The following FHIT variants were observed in gnomAD, a reference collection of about 807,000 sequenced individuals.
The protein encoded by FHIT is bis(5'-adenosyl)-triphosphatase.
Under a neutral mutation model 17.9 loss-of-function variants are expected in FHIT, and 19 were observed. That is an observed-to-expected ratio of 1.06 (90% CI 0.74 to 1.56). The LOEUF (loss-of-function observed/expected upper bound fraction) is 1.56. Among genes scored for constraint, FHIT ranks in the 40% most tolerant of loss-of-function variants. The pLI is 0.00. For synonymous variants in FHIT, 81 were observed against 69.7 expected, an observed-to-expected ratio of 1.16 and a Z score of -0.81; for missense variants, 248 against 189.2, an observed-to-expected ratio of 1.31 and a Z score of -1.82.
At chr3:60,581,253 G>A (rs1210194210) in intron 4 of FHIT, among the ~76,000 whole-genome samples, 1 of 152,062 alleles carries the variant, frequency 6.6e-6, no homozygotes, top group African/African-American at 2.4e-5. Context: ...GAAGTTTTCA[G>A]GTAAGAAAAT....
At chr3:60,598,748 T>C (rs2038349433) in intron 4 of FHIT, among the ~76,000 whole-genome samples, 2 of 152,194 alleles carry the variant, frequency 1.3e-5, no homozygotes, top group African/African-American at 4.8e-5. Context: ...GGTGGATTTT[T>C]TTCCCAAGAA....
intron 5 of FHIT, chr3:60,536,367 T>C (rs1272175353): frequency 6.6e-6 from 1 of 152,266 alleles, no homozygotes; most frequent in Non-Finnish European, 1.5e-5. Context: ...AGTATATCTA[T>C]AATATAAATT....
At chr3:60,029,499 G>T (rs1186348706) in intron 5 of FHIT, among the ~76,000 whole-genome samples, 1 of 152,140 alleles carries the variant, frequency 6.6e-6, no homozygotes, top group Non-Finnish European at 1.5e-5. Context: ...TATATATGCA[G>T]TCTCTCTCCA....
intron 5 of FHIT, among the ~76,000 whole-genome samples, chr3:60,202,359 A>C (rs1361768952): frequency 1.3e-5 from 2 of 152,200 alleles, no homozygotes; most frequent in East Asian, 3.8e-4. Flanking sequence ...GGGCAAAGCA[A>C]TGCTTCCTCC....
At chr3:60,692,523 G>A (rs1482391270) in intron 4 of FHIT, among the ~76,000 whole-genome samples, 3 of 152,116 alleles carry the variant, frequency 2.0e-5, no homozygotes, top group African/African-American at 7.2e-5. Context: ...GAGTTGACTG[G>A]CCATTGCTGA....
At chr3:59,791,802 C>T (rs1389855071) in intron 8 of FHIT, among the ~76,000 whole-genome samples, 1 of 152,134 alleles carries the variant, frequency 6.6e-6, no homozygotes. Context: ...GGCTATGTAT[C>T]TTTTGGATCA....
At chr3:60,115,855 T>C (rs139286476) in intron 5 of FHIT, among the ~76,000 whole-genome samples, 6 of 148,576 alleles carry the variant, frequency 4.0e-5, no homozygotes, top group South Asian at 2.2e-4. Context: ...ATATATATTA[T>C]AAATCTACAA....
intron 7 of FHIT, among the ~76,000 whole-genome samples, chr3:60,010,200 C>T (rs1005951708): frequency 8.5e-5 from 13 of 152,222 alleles, no homozygotes; most frequent in Admixed American, 3.3e-4. Flanking sequence ...AAAGAAGCCA[C>T]AGGTATTAAA....
intron 2 of FHIT, among the ~76,000 whole-genome samples, chr3:61,091,661 C>T (rs551734444): frequency 2.0e-5 from 3 of 152,010 alleles, no homozygotes; most frequent in African/African-American, 7.2e-5. Context: ...TTAGAACCAA[C>T]AGGAGGCTGG....
chr3:60,822,767 C>T (rs182097702), intron 3 of FHIT, among the ~76,000 whole-genome samples: 1 of 152,160 alleles, frequency 6.6e-6, no homozygotes, highest in East Asian at 1.9e-4. Flanking sequence ...GCCCCATGAC[C>T]CACCTTACTT....
chr3:60,020,884 G>T (rs1326297134), intron 5 of FHIT, among the ~76,000 whole-genome samples: 1 of 152,118 alleles, frequency 6.6e-6, no homozygotes, highest in African/African-American at 2.4e-5. Context: ...GCACTTTGAT[G>T]GATTTTCATA....
intron 2 of FHIT, among the ~76,000 whole-genome samples, chr3:61,190,408 G>A (rs1482271415): frequency 5.9e-5 from 9 of 152,198 alleles, no homozygotes; most frequent in East Asian, 1.9e-4. Flanking sequence ...GTAGCATGGC[G>A]ATCATTAAAA....
intron 5 of FHIT, among the ~76,000 whole-genome samples, chr3:60,118,280 AT>A (rs1163428359): frequency 0.011 from 1,439 of 135,010 alleles, 14 homozygotes; most frequent in African/African-American, 0.03. Flanking sequence ...CTCATTTTTA[AT>A]TTTTTTTTTT....
chr3:60,854,980 A>G (rs1553749529), intron 3 of FHIT, among the ~76,000 whole-genome samples: 1 of 152,050 alleles, frequency 6.6e-6, no homozygotes, highest in Admixed American at 6.6e-5. Flanking sequence ...AGGTTCAGGG[A>G]ATTACTCAAG....
chr3:60,820,256 T>C (rs1413064216), intron 4 of FHIT, among the ~76,000 whole-genome samples: 1 of 152,096 alleles, frequency 6.6e-6, no homozygotes, highest in Non-Finnish European at 1.5e-5. Context: ...TGCGGTTAGC[T>C]GAGATCACAC....
chr3:61,082,675 T>G (rs796720672), intron 2 of FHIT, among the ~76,000 whole-genome samples: 6 of 152,348 alleles, frequency 3.9e-5, no homozygotes, highest in South Asian at 2.1e-4. Flanking sequence ...ATAGTTCCAG[T>G]TGCTTCATAC....
intron 5 of FHIT, among the ~76,000 whole-genome samples, chr3:60,506,683 T>C (rs1201434757): frequency 6.6e-6 from 1 of 152,124 alleles, no homozygotes; most frequent in African/African-American, 2.4e-5. Context: ...GGGTTGGCCT[T>C]CTAACCTCCT....
chr3:60,104,250 G>A (rs982031359), intron 5 of FHIT, among the ~76,000 whole-genome samples: 7 of 152,088 alleles, frequency 4.6e-5, no homozygotes, highest in Non-Finnish European at 1.0e-4. Flanking sequence ...TCACCTCCTT[G>A]TCAACACATC....
intron 5 of FHIT, among the ~76,000 whole-genome samples, chr3:60,086,794 G>C (rs1388275245): frequency 6.6e-6 from 1 of 152,232 alleles, no homozygotes; most frequent in African/African-American, 2.4e-5. Flanking sequence ...TGCAGCTCAA[G>C]TAGCTGCTTT....
Sources: allele counts gnomAD v4.1 joint callset (sites outside exome capture counted in the v4.1 genomes callset), GRCh38; gene constraint gnomAD v4.1.1; transcripts MANE v1.5; gene names NCBI Gene and HGNC (gene_info 2026-07-23, HGNC 2026-07-21).